The following CSMD2 variants were observed in gnomAD, a reference collection of about 807,000 sequenced individuals.
CSMD2 encodes CUB and sushi domain-containing protein 2.
Under a neutral mutation model 398.5 loss-of-function variants are expected in CSMD2, and 130 were observed. That is an observed-to-expected ratio of 0.33 (90% CI 0.28 to 0.38). CSMD2 has a LOEUF of 0.38. Ranked by LOEUF, CSMD2 falls within the 10% of genes least tolerant of loss-of-function variation. The pLI, the probability that CSMD2 is intolerant of heterozygous loss-of-function variation, is 1.00. For synonymous variants in CSMD2, 1,828 were observed against 1,908.5 expected (o/e 0.96, Z 1.10); for missense variants, 3,829 against 4,764.9 (o/e 0.80, Z 5.78).
chr1:33,682,495 C>T (rs1361612424), intron 25 of CSMD2, among the ~76,000 whole-genome samples: 1 of 152,112 alleles, frequency 6.6e-6, no homozygotes, highest in African/African-American at 2.4e-5. Flanking sequence ...AATATGTTAC[C>T]TTTGTAAGTG....
rs143998182 is a variant in CSMD2, at chr1:34,104,768, G to A, written c.188-15575C>T. ...CCTTGTCCGCTGATGAGAGAGGCAGGGGTCAAACAGTATCTTTGGCTCTCT... is the reference window on the plus strand; with the variant it reads ...CCTTGTCCGCTGATGAGAGAGGCAGAGGTCAAACAGTATCTTTGGCTCTCT... On this transcript the variant is annotated intron_variant, in intron 1 of 70. Transcript: ENST00000373381. 2.1e-3 allele frequency among the ~76,000 whole-genome samples: 319 copies of A among 152,266 alleles called. 1 individual carries two copies. The highest frequency in any genetic ancestry group is 5.2e-3 in the South Asian group (25 of 4,822).
At chr1:33,666,777 C>A (rs949481953) in intron 25 of CSMD2, among the ~76,000 whole-genome samples, 1 of 152,104 alleles carries the variant, frequency 6.6e-6, no homozygotes. Flanking sequence ...CAGGCTGCCC[C>A]CTGCCTTCTC....
At chr1:34,152,461 C>A (rs796790938) in intron 1 of CSMD2, among the ~76,000 whole-genome samples, 4 of 152,286 alleles carry the variant, frequency 2.6e-5, no homozygotes, top group African/African-American at 9.6e-5. Flanking sequence ...AGCCATCCCC[C>A]TTCTCCAAAT....
At chr1:33,521,585 G>C in intron 67 of CSMD2, 35 bp from the exon 68 acceptor site, 1 of 1,366,806 alleles carries the variant, frequency 7.3e-7, no homozygotes. Flanking sequence ...GCAGGTGGGA[G>C]GCTGCTGGAA....
At chr1:33,918,410 TCA>T (rs896059878) in intron 4 of CSMD2, 109 bp from the exon 5 acceptor site, 15 of 887,574 alleles carry the variant, frequency 1.7e-5, no homozygotes, top group Non-Finnish European at 2.2e-5. Context: ...AGAGTACAAT[TCA>T]CAGTTTGTGG....
chr1:34,037,177 G>A (rs190051470), intron 2 of CSMD2, among the ~76,000 whole-genome samples: 1 of 152,286 alleles, frequency 6.6e-6, no homozygotes, highest in Non-Finnish European at 1.5e-5. Context: ...CTATTGGACA[G>A]TACGCCAGTC....
chr1:34,047,850 T>C (rs532422121), intron 2 of CSMD2, among the ~76,000 whole-genome samples: 32 of 152,312 alleles, frequency 2.1e-4, no homozygotes, highest in Non-Finnish European at 3.5e-4. Context: ...GTGTAATTTA[T>C]AAAATTGTTC....
intron 9 of CSMD2, among the ~76,000 whole-genome samples, chr1:33,817,832 G>T (rs1657648310): frequency 1.3e-5 from 2 of 152,222 alleles, no homozygotes; most frequent in African/African-American, 2.4e-5. Context: ...ATGATGGTTG[G>T]ATTTGTACCA....
At position 33,714,682 on chromosome 1, in the gene CSMD2, G is replaced by C; in HGVS notation, c.3311C>G (p.Ser1104Cys). The change falls in exon 21 of 71, where the codon TCC becomes TGC. Residue 1104 changes from serine (S) to cysteine (C), a missense_variant. Physicochemically the swap from Ser to Cys is moderately radical, Grantham distance 112. Transcript: ENST00000373381. ...CTCCAGACGGTACCCGGGGAAGCAG[G>C]AGAAGGTCAAGGTGTCGCCCACGCC... is the stretch of plus-strand genomic sequence containing the variant. Reference protein sequence around the residue: ...QFGVGDTLTFSCFPGYRLEGT... With the variant: ...QFGVGDTLTFCCFPGYRLEGT... The C allele has an allele frequency of 6.2e-7, 1 of 1,614,084 alleles. No homozygotes were observed. The highest frequency in any genetic ancestry group is 8.5e-7 in the Non-Finnish European group (1 of 1,180,046).
In CSMD2 at chr1:33,559,406, G is replaced by T; in HGVS notation, c.8448C>A (p.Asn2816Lys). 1 of 1,536,126 alleles carries T rather than the reference G, an allele frequency of 6.5e-7. No individual in the cohort carries two copies. The highest frequency in any genetic ancestry group is 8.7e-7 in the Non-Finnish European group (1 of 1,146,892). ...GLTQGNQFNL[N>K]DVVKFVCNPG... ...GGTTGCAAACAAACTTGACCACATC[G>T]TTGAGGTTAAACTGGTTACCCTGAG... Residue 2816 changes from asparagine to lysine, a missense_variant, in exon 54 of 71, where the codon AAC (asparagine) becomes AAA (lysine). Coordinates refer to ENST00000373381, the MANE Select transcript of CSMD2 (RefSeq NM_001281956.2). This position sits in a 1 kb window ranked among gnomAD's most constrained non-coding sequence, Gnocchi z 4.0.
chr1:33,540,696 G>C lies in CSMD2; in HGVS notation c.9460C>G (p.Leu3154Val). The C allele has an allele frequency of 6.2e-7, 1 of 1,614,102 alleles. No homozygotes were observed. Reference sequence around the variant, plus strand: ...ATGAGCGGAGGTGGCTTGCACATGAGAGCTGGAGGGAGACCAAAGCAGGCT... The same window carrying C: ...ATGAGCGGAGGTGGCTTGCACATGACAGCTGGAGGGAGACCAAAGCAGGCT... ...WNGTKPVCKA[L>V]MCKPPPLIPN... Residue 3154 changes from leucine (L) to valine (V), a missense_variant and splice_region_variant, in exon 60 of 71, where the codon CTC (leucine) becomes GTC (valine). Leu to Val is a conservative substitution (Grantham distance 32). Coordinates refer to ENST00000373381, the MANE Select transcript of CSMD2 (RefSeq NM_001281956.2).
At chr1:33,733,880 G>A (rs1646798479) in intron 15 of CSMD2, among the ~76,000 whole-genome samples, 1 of 152,186 alleles carries the variant, frequency 6.6e-6, no homozygotes, top group Admixed American at 6.5e-5. Flanking sequence ...AGCAATGTGA[G>A]AATGGACTAA....
At chr1:33,900,161 T>C (rs769368927) in intron 5 of CSMD2, among the ~76,000 whole-genome samples, 2 of 152,210 alleles carry the variant, frequency 1.3e-5, no homozygotes, top group Non-Finnish European at 2.9e-5. Context: ...TCTGGGGCTG[T>C]TCAAAGTCTT....
chr1:34,021,810 G>A (rs1648928169), intron 3 of CSMD2, among the ~76,000 whole-genome samples: 1 of 152,218 alleles, frequency 6.6e-6, no homozygotes, highest in South Asian at 2.1e-4. Context: ...GAACAGGTTG[G>A]AATGATAAGT....
chr1:33,706,984 C>T (rs1366906715), intron 22 of CSMD2, among the ~76,000 whole-genome samples: 2 of 152,096 alleles, frequency 1.3e-5, no homozygotes, highest in African/African-American at 4.8e-5. Context: ...TGCCCCATGT[C>T]CCTCCTCCTT....
intron 27 of CSMD2, among the ~76,000 whole-genome samples, chr1:33,653,813 T>C (rs917106972): frequency 6.6e-6 from 1 of 152,010 alleles, no homozygotes. Context: ...CCATCAGAGG[T>C]TGTCAACACT....
intron 60 of CSMD2, among the ~76,000 whole-genome samples, chr1:33,538,452 T>C (rs1425388319): frequency 1.3e-5 from 2 of 152,220 alleles, no homozygotes; most frequent in South Asian, 2.1e-4. Context: ...CTTTATGCTA[T>C]GATGCAAATG....
chr1:33,692,643 T>C (rs1182725010), intron 25 of CSMD2, among the ~76,000 whole-genome samples: 3 of 151,980 alleles, frequency 2.0e-5, no homozygotes, highest in East Asian at 1.9e-4. Flanking sequence ...CATGGAAGGG[T>C]TGGATTCAAA....
chr1:33,823,457 T>C (rs1357468149), intron 7 of CSMD2, among the ~76,000 whole-genome samples: 1 of 152,072 alleles, frequency 6.6e-6, no homozygotes, highest in Non-Finnish European at 1.5e-5. Flanking sequence ...GTTTACAGCA[T>C]TGCTTTCCTG....
Sources: allele counts gnomAD v4.1 joint callset (sites outside exome capture counted in the v4.1 genomes callset), GRCh38; gene constraint gnomAD v4.1.1; non-coding constraint Gnocchi (gnomAD v3.1); transcripts MANE v1.5; gene names NCBI Gene and HGNC (gene_info 2026-07-23, HGNC 2026-07-21).